Variants in HMGCL observed in about 807,000 individuals in gnomAD.
HMGCL encodes the protein hydroxymethylglutaryl-CoA lyase, mitochondrial.
In HMGCL, 26 loss-of-function variants were observed where a neutral mutation model predicts 37.3. The observed-to-expected ratio is 0.70, with a 90% CI of 0.51 to 0.97. HMGCL has a LOEUF of 0.97. Among genes scored for constraint, HMGCL ranks in the 50% least tolerant of loss-of-function variants. The pLI is 0.00. For missense variants in HMGCL, 379 were observed against 398.1 expected (o/e 0.95, Z 0.41); for synonymous variants, 151 against 148.0 (o/e 1.02, Z -0.15).
Position 23,804,204 on chromosome 1 carries a change from G to A in HMGCL, c.876+196C>T, listed in dbSNP as rs551491388. 2.1e-3 allele frequency: 1,361 copies of A among 663,864 alleles called. 5 individuals carry two copies. Among genetic ancestry groups the A allele is most frequent in the Non-Finnish European group, 2.9e-3 (1,101 of 373,986 alleles). The allele number at this position is 663,864 out of a possible 1,614,324, so 41.1% of individuals were successfully genotyped here. A position where few individuals can be genotyped will look rare whatever the true frequency, so the allele number is the denominator to read the frequency against. ...TAGCTCACTGCAGCCTCAAACTCCTGGGCTCAAGTGACCCTCCTGCCTCAG... is the reference window on the plus strand; with the variant it reads ...TAGCTCACTGCAGCCTCAAACTCCTAGGCTCAAGTGACCCTCCTGCCTCAG... On this transcript the variant is annotated intron_variant, in intron 8 of 8. Coordinates refer to ENST00000374490, the MANE Select transcript of HMGCL (RefSeq NM_000191.3).
intron 1 of HMGCL, among the ~76,000 whole-genome samples, chr1:23,820,954 C>T (rs1170658163): frequency 1.3e-5 from 2 of 152,200 alleles, no homozygotes; most frequent in Non-Finnish European, 2.9e-5. Context: ...TCAAAGGCAT[C>T]GCATGTACCC....
chr1:23,804,917 C>G (rs1004769400), intron 7 of HMGCL, among the ~76,000 whole-genome samples: 2 of 142,414 alleles, frequency 1.4e-5, no homozygotes, highest in Admixed American at 1.4e-4. Flanking sequence ...AGGCTACTCT[C>G]ACTCAGTCAG....
At chr1:23,810,656 G>T in intron 6 of HMGCL, 80 bp downstream of exon 6, 2 of 1,167,638 alleles carry the variant, frequency 1.7e-6, no homozygotes, top group East Asian at 2.4e-5. Context: ...CAGAAAGGGT[G>T]GGGAGAGGAA....
chr1:23,820,676 A>G, intron 1 of HMGCL, 83 bp from the exon 2 acceptor site: 3 of 863,518 alleles, frequency 3.5e-6, no homozygotes, highest in African/African-American at 1.7e-5. Context: ...GAATGGATCT[A>G]TCTTCACTAA....
At chr1:23,807,942 A>G (rs1387842192) in intron 7 of HMGCL, among the ~76,000 whole-genome samples, 193 bp downstream of exon 7, 1 of 152,102 alleles carries the variant, frequency 6.6e-6, no homozygotes, top group Non-Finnish European at 1.5e-5. Flanking sequence ...ATTGCCATGT[A>G]ACTCCCTTGA....
chr1:23,823,413 C>T (rs553427836), intron 1 of HMGCL, among the ~76,000 whole-genome samples: 42 of 151,726 alleles, frequency 2.8e-4, no homozygotes, highest in Non-Finnish European at 5.3e-4. Context: ...AGAGCAGTGG[C>T]GCGATCTTGG....
intron 6 of HMGCL, chr1:23,809,234 ATATATTTT>A: frequency 1.4e-5 from 1 of 72,794 alleles, no homozygotes. Flanking sequence ...ATATATATAT[ATATATTTT>A]TTTTTTTTTT....
intron 5 of HMGCL, among the ~76,000 whole-genome samples, chr1:23,811,832 C>T (rs1638525538): frequency 6.6e-6 from 1 of 152,112 alleles, no homozygotes; most frequent in African/African-American, 2.4e-5. Context: ...TCTTTAAAAC[C>T]CTTTAGAGTC....
chr1:23,815,703 G>A (rs975455408), intron 4 of HMGCL, among the ~76,000 whole-genome samples: 8 of 151,948 alleles, frequency 5.3e-5, no homozygotes, highest in Middle Eastern at 3.4e-3. Flanking sequence ...CATCGTGTTA[G>A]CCAGGATGGT....
chr1:23,804,662 A>G (rs1638368872), intron 7 of HMGCL, 137 bp from the exon 8 acceptor site: 1 of 930,950 alleles, frequency 1.1e-6, no homozygotes, highest in South Asian at 1.4e-5. Context: ...TTCTGTTGAC[A>G]TGACAATCCC....
At position 23,811,733 on chromosome 1, in the gene HMGCL, A is replaced by G. The variant is rs575741151; in HGVS notation, c.498-934T>C. ...ATGAGGAGGTCAGCAAGGTGGGCAC[A>G]GGTCTGATCATGGGTCTTAGGGCTA... On this transcript the variant is annotated intron_variant, in intron 5 of 8. Coordinates refer to ENST00000374490, the MANE Select transcript of HMGCL (RefSeq NM_000191.3). Among the ~76,000 whole-genome samples the G allele has an allele frequency of 3.3e-4, 50 of 152,320 alleles. 1 individual carries two copies. The South Asian group carries it at 9.5e-3, about 29-fold the overall frequency.
At position 23,815,793 on chromosome 1, in the gene HMGCL, C is replaced by T. The variant is rs145643425; in HGVS notation, c.348+882G>A. On this transcript the variant is annotated intron_variant, in intron 4 of 8. Transcript: ENST00000374490. ...TACAGGCGTGAGCCACCGCGCCCGG[C>T]CTGTAGTGCTTTCTTACAGTAGCAC... Among the ~76,000 whole-genome samples the T allele has an allele frequency of 4.8e-3, 737 of 151,968 alleles. 3 individuals carry two copies. Among genetic ancestry groups the T allele is most frequent in the African/African-American group, 0.017 (692 of 41,430 alleles).
rs755922538 is a variant in HMGCL at position 23,817,545 on chromosome 1, G to T, written c.183C>A (p.Asp61Glu). 8 of 1,613,284 alleles carry T rather than the reference G, an allele frequency of 5.0e-6. No homozygotes were observed. The highest frequency in any genetic ancestry group is 6.8e-6 in the Non-Finnish European group (8 of 1,179,380). Residue 61 changes from aspartate to glutamate, a missense_variant, in exon 3 of 9, where the codon GAC becomes GAA. Coordinates refer to ENST00000374490, the MANE Select transcript of HMGCL (RefSeq NM_000191.3). ...VSTPVKIKLI[D>E]MLSEAGLSVI... is the part of the protein sequence containing the mutation. ...CAGAGAGTCCTGCTTCAGAAAGCAT[G>T]TCTATCAGCTTGATTTTCACTGGAG...
In HMGCL at chr1:23,808,088, C is replaced by T; in HGVS notation, c.750+47G>A. The stretch of plus-strand genomic sequence containing the variant: ...GAAAGAATAAATGATAACAAGCTGT[C>T]CTGCCCACCGTGACCTTTGGGAGAA... On this transcript the variant is annotated intron_variant, in intron 7 of 8. Coordinates refer to ENST00000374490, the MANE Select transcript of HMGCL (RefSeq NM_000191.3). The T allele has an allele frequency of 2.0e-6, 3 of 1,521,078 alleles. No individual in the cohort carries two copies. In the South Asian group the frequency reaches 3.4e-5, roughly 17 times the overall value. 94.2% of individuals were successfully genotyped at this position (1,521,078 alleles called of 1,614,324 possible). A position where few individuals can be genotyped will look rare whatever the true frequency, so the allele number is the denominator to read the frequency against.
rs112508527 is a variant in HMGCL at position 23,810,769 on chromosome 1, A to T, written c.528T>A (p.Tyr176Ter). ...GYVSCALGCP[Y>*]EGKISPAKVA... ...CTTTAGCTGGGGAGATCTTCCCTTC[A>T]TAAGGGCAGCCAAGAGCACAGGAGA... The change falls in exon 6 of 9, where the codon TAT (tyrosine) becomes TAA (stop). Residue 176 changes from tyrosine to a stop codon, truncating the protein, a stop_gained. Transcript: ENST00000374490. LOFTEE classifies it high-confidence loss of function. The T allele has an allele frequency of 3.7e-6, 6 of 1,613,926 alleles. No individual in the cohort carries two copies. The African/African-American group carries it at 6.7e-5, about 18-fold the overall frequency.
chr1:23,817,752 C>T (rs1458687500), intron 2 of HMGCL, among the ~76,000 whole-genome samples, 169 bp from the exon 3 acceptor site: 1 of 152,184 alleles, frequency 6.6e-6, no homozygotes, highest in Non-Finnish European at 1.5e-5. Flanking sequence ...CAGGCTTTCC[C>T]GTAAGTAAAT....
At chr1:23,804,350 GC>G in intron 8 of HMGCL, 49 bp downstream of exon 8, 1 of 1,609,862 alleles carries the variant, frequency 6.2e-7, no homozygotes, top group South Asian at 1.1e-5. Context: ...TCAGCTTCAG[GC>G]CCCCTGGTCA....
chr1:23,810,793 G>A lies in HMGCL; in HGVS notation c.504C>T (p.Val168=). Residue 168 remains valine (V), a synonymous_variant, in exon 6 of 9, where the codon GTC becomes GTT. Coordinates refer to ENST00000374490, the MANE Select transcript of HMGCL (RefSeq NM_000191.3). ...CATAAGGGCAGCCAAGAGCACAGGA[G>A]ACGTACCTGTGGGAAGACAGGGGAG... The part of the protein sequence containing the change: ...QSANISVRGY[V]SCALGCPYEG... 6.2e-7 allele frequency: 1 copy of A among 1,613,576 alleles called. No homozygotes were observed.
rs1304272931 is a variant in HMGCL, at chr1:23,814,210, T to G, written c.477A>C (p.Ser159=). 2.5e-6 allele frequency: 4 copies of G among 1,613,860 alleles called. No homozygotes were observed. The East Asian group carries it at 8.9e-5, about 36-fold the overall frequency. Residue 159 remains serine, a synonymous_variant, in exon 5 of 9, where the codon TCA becomes TCC. Coordinates refer to ENST00000374490, the MANE Select transcript of HMGCL (RefSeq NM_000191.3). ...RFDAILKAAQ[S]ANISVRGYVS... ...CTCACCCCCGCACAGAAATATTGGC[T>G]GACTGCGCTGCCTTCAGGATTGCGT...
Sources: gnomAD v4.1 joint callset for allele counts (sites outside exome capture counted in the v4.1 genomes callset) on GRCh38, gnomAD v4.1.1 for gene constraint, MANE v1.5 for transcripts, NCBI Gene and HGNC (gene_info 2026-07-23, HGNC 2026-07-21) for gene names.